SIPA1L3: variants seen among roughly 807,000 people sequenced by gnomAD.
SIPA1L3 encodes the protein signal induced proliferation associated 1 like 3.
A neutral mutation model predicts 150.1 loss-of-function variants in SIPA1L3; 59 were observed. The ratio of observed to expected loss-of-function variants is 0.39; its 90% CI spans 0.32 to 0.49. SIPA1L3 has a LOEUF of 0.49. Ranked by LOEUF, SIPA1L3 falls within the 20% of genes least tolerant of loss-of-function variation. The pLI, the probability that SIPA1L3 is intolerant of heterozygous loss-of-function variation, is 0.86. For synonymous variants in SIPA1L3, 1,070 were observed against 1,077.6 expected (o/e 0.99, Z 0.14); for missense variants, 2,211 against 2,489.5 (o/e 0.89, Z 2.38).
chr19:37,929,032 T>G (rs944870836), intron 1 of SIPA1L3, among the ~76,000 whole-genome samples: 1 of 152,224 alleles, frequency 6.6e-6, no homozygotes, highest in African/African-American at 2.4e-5. Context: ...AAAGAGGGCA[T>G]CTCTCACTTG....
At chr19:37,964,100 A>T (rs976073717) in intron 1 of SIPA1L3, 1 of 152,206 alleles carries the variant, frequency 6.6e-6, no homozygotes, top group African/African-American at 2.4e-5. Context: ...CCCTTCACCC[A>T]TAAATATTTC....
At chr19:38,104,788 C>G (rs980614417) in intron 6 of SIPA1L3, among the ~76,000 whole-genome samples, 1 of 150,846 alleles carries the variant, frequency 6.6e-6, no homozygotes, top group African/African-American at 2.4e-5. Flanking sequence ...CCAAGCTGGT[C>G]TTGAACTCCT....
At chr19:37,999,459 A>C (rs1254499175) in intron 1 of SIPA1L3, among the ~76,000 whole-genome samples, 1 of 152,184 alleles carries the variant, frequency 6.6e-6, no homozygotes, top group South Asian at 2.1e-4. Flanking sequence ...TAAACAGGCA[A>C]CCGCCCCAGC....
At chr19:38,022,169 A>C (rs1343110114) in intron 1 of SIPA1L3, among the ~76,000 whole-genome samples, 1 of 152,130 alleles carries the variant, frequency 6.6e-6, no homozygotes, top group Non-Finnish European at 1.5e-5. Context: ...TGGGCAAGGT[A>C]CCTCTCTGTA....
intron 1 of SIPA1L3, among the ~76,000 whole-genome samples, chr19:37,941,525 G>A (rs1383376433): frequency 1.3e-5 from 2 of 149,008 alleles, no homozygotes; most frequent in Admixed American, 6.8e-5. Context: ...GACATTTGCC[G>A]GTCTCCACCA....
intron 1 of SIPA1L3, among the ~76,000 whole-genome samples, chr19:37,970,987 C>T (rs1412985515): frequency 6.6e-6 from 1 of 152,156 alleles, no homozygotes. Context: ...ATGTGTGCAG[C>T]CTGGCCTGTG....
chr19:38,070,174 C>T (rs867907119), intron 2 of SIPA1L3, among the ~76,000 whole-genome samples: 32 of 122,954 alleles, frequency 2.6e-4, no homozygotes, highest in Admixed American at 1.3e-3. Context: ...CCCCTCCCAA[C>T]TATAGTGATC....
chr19:37,969,462 G>A (rs1290816993), intron 1 of SIPA1L3, among the ~76,000 whole-genome samples: 1 of 149,954 alleles, frequency 6.7e-6, no homozygotes, highest in Non-Finnish European at 1.5e-5. Flanking sequence ...TGAGGCATGA[G>A]AATTGCTTCA....
At position 37,916,702 on chromosome 19, in the gene SIPA1L3, G is replaced by A. The variant is rs543746746; in HGVS notation, c.-379+9344G>A. 4.7e-4 allele frequency among the ~76,000 whole-genome samples: 72 copies of A among 152,194 alleles called. 1 individual carries two copies. The South Asian group carries it at 0.014, about 29-fold the overall frequency. On this transcript the variant is annotated intron_variant, in intron 1 of 21. Transcript: ENST00000222345. Reference sequence around the variant, plus strand: ...GGGCCGAGCGCGGTGACTCATGCCTGTAATCCCAGCACTTTGGGAGGCTGA... The same window carrying A: ...GGGCCGAGCGCGGTGACTCATGCCTATAATCCCAGCACTTTGGGAGGCTGA...
intron 2 of SIPA1L3, among the ~76,000 whole-genome samples, chr19:38,072,485 T>C (rs1969745767): frequency 6.6e-6 from 1 of 152,246 alleles, no homozygotes; most frequent in African/African-American, 2.4e-5. Flanking sequence ...CAGCCCCAGA[T>C]TCTAACTCCC....
intron 2 of SIPA1L3, among the ~76,000 whole-genome samples, chr19:38,071,227 A>G (rs1007674321): frequency 6.6e-6 from 1 of 151,542 alleles, no homozygotes; most frequent in African/African-American, 2.4e-5. Context: ...CTATCTATCT[A>G]TCTATCTATC....
At chr19:38,121,655 C>T (rs1413719946) in intron 9 of SIPA1L3, among the ~76,000 whole-genome samples, 7 of 151,464 alleles carry the variant, frequency 4.6e-5, no homozygotes, top group South Asian at 2.1e-4. Context: ...AGGAGAATGG[C>T]GTGAACCTGG....
chr19:38,113,863 C>G (rs1446612737), intron 8 of SIPA1L3, among the ~76,000 whole-genome samples: 1 of 152,118 alleles, frequency 6.6e-6, no homozygotes, highest in Non-Finnish European at 1.5e-5. Flanking sequence ...AGGTGACCAC[C>G]AGGTCCCCTC....
At chr19:38,141,527 C>T (rs537457432) in intron 11 of SIPA1L3, 92 bp downstream of exon 11, 22 of 1,333,284 alleles carry the variant, frequency 1.7e-5, no homozygotes, top group Admixed American at 1.0e-4. Context: ...TTCCTCCATC[C>T]TCTTCCTCGC....
chr19:38,004,150 T>C (rs1216588598), intron 1 of SIPA1L3, among the ~76,000 whole-genome samples: 1 of 152,186 alleles, frequency 6.6e-6, no homozygotes, highest in Non-Finnish European at 1.5e-5. Flanking sequence ...TTTTAATCCA[T>C]TTAACAGCTC....
At chr19:38,065,211 T>C (rs1200912228) in intron 2 of SIPA1L3, among the ~76,000 whole-genome samples, 2 of 152,144 alleles carry the variant, frequency 1.3e-5, no homozygotes, top group African/African-American at 4.8e-5. Context: ...CCTTCCCTCA[T>C]TGGCTCTGCG....
intron 1 of SIPA1L3, among the ~76,000 whole-genome samples, chr19:37,976,712 A>C (rs1171483152): frequency 2.0e-5 from 3 of 152,128 alleles, no homozygotes; most frequent in African/African-American, 7.2e-5. Context: ...TGAGAACCGG[A>C]GGGTTGCTTT....
chr19:38,034,026 GTTA>G (rs1303659906), intron 2 of SIPA1L3, among the ~76,000 whole-genome samples: 1 of 152,196 alleles, frequency 6.6e-6, no homozygotes, highest in East Asian at 1.9e-4. Flanking sequence ...GGCTGCCAGT[GTTA>G]GTTTGGTGGC....
chr19:38,038,128 G>A (rs1308900176), intron 2 of SIPA1L3, among the ~76,000 whole-genome samples: 3 of 152,152 alleles, frequency 2.0e-5, no homozygotes, highest in Admixed American at 2.0e-4. Context: ...CTAGGCTGGA[G>A]ATGCCAGAGG....
Sources: gnomAD v4.1 joint callset for allele counts (sites outside exome capture counted in the v4.1 genomes callset) on GRCh38, gnomAD v4.1.1 for gene constraint, MANE v1.5 for transcripts, NCBI Gene and HGNC (gene_info 2026-07-23, HGNC 2026-07-21) for gene names.